PCDHGA12: variants seen among roughly 807,000 people sequenced by gnomAD.
PCDHGA12 encodes the protein protocadherin gamma subfamily A, 12.
A neutral mutation model predicts 61.1 loss-of-function variants in PCDHGA12; 43 were observed. The observed-to-expected ratio is 0.70, with a 90% confidence interval of 0.55 to 0.91. The LOEUF (loss-of-function observed/expected upper bound fraction) is 0.91, where lower values mean the gene tolerates loss of function less well. PCDHGA12 is among the 40% of genes least tolerant of loss of function. The pLI is 0.00. For synonymous variants in PCDHGA12, 520 were observed against 542.9 expected (o/e 0.96, Z 0.59); for missense variants, 1,236 against 1,227.7 (o/e 1.01, Z -0.10).
At position 141,432,673 on chromosome 5, in the gene PCDHGA12, C is replaced by A. The variant is rs770930842; in HGVS notation, c.1914C>A (p.Leu638=). 5 of 1,613,922 alleles carry A rather than the reference C, an allele frequency of 3.1e-6. No homozygotes were observed. Among genetic ancestry groups the A allele is most frequent in the Non-Finnish European group, 4.2e-6 (5 of 1,179,960 alleles). Residue 638 remains leucine, a synonymous_variant, in exon 1 of 4, where the codon CTC becomes CTA. Coordinates refer to ENST00000252085, the MANE Select transcript of PCDHGA12 (RefSeq NM_003735.3). This position sits in a 1 kb window ranked among gnomAD's most constrained non-coding sequence, Gnocchi z 6.0. The part of the protein sequence containing the change: ...TARALLDRDA[L]KQSLVVAVQD... ...GAGCCCTGCTGGACAGAGACGCGCTCAAGCAGAGCCTCGTAGTGGCCGTCC... is the reference window on the plus strand; with the variant it reads ...GAGCCCTGCTGGACAGAGACGCGCTAAAGCAGAGCCTCGTAGTGGCCGTCC...
In PCDHGA12 at chr5:141,476,149, A is replaced by T. The variant is rs1042362185; in HGVS notation, c.2425-18658A>T. The stretch of plus-strand genomic sequence containing the variant: ...CAGAGGCCTGGAGGAGCGGACTGGT[A>T]AGCACCGGGAGGGTAGTGGGAGTTT... On this transcript the variant is annotated intron_variant, in intron 1 of 3. Transcript: ENST00000252085. This position sits in a 1 kb window ranked among gnomAD's most constrained non-coding sequence, Gnocchi z 7.6. 4 of 1,611,688 alleles carry T rather than the reference A, an allele frequency of 2.5e-6. No individual in the cohort carries two copies. In the African/African-American group the frequency reaches 5.3e-5, roughly 22 times the overall value.
intron 1 of PCDHGA12, among the ~76,000 whole-genome samples, chr5:141,448,813 C>T (rs1020956433): frequency 2.0e-5 from 3 of 151,800 alleles, no homozygotes; most frequent in Admixed American, 1.3e-4. Context: ...GGCGTGATGG[C>T]GGGCGCCTGT....
In PCDHGA12 at chr5:141,490,935, G is replaced by A. The variant is rs1371144225; in HGVS notation, c.2425-3872G>A. On this transcript the variant is annotated intron_variant, in intron 1 of 3. Transcript: ENST00000252085. The surrounding 1 kb of genome is among the most constrained non-coding windows in gnomAD (Gnocchi z 5.4). ...AGAATGATAATGCCCCAGCTGTGCTGCACCCACGGCCAGACTGGGAACACT... is the reference window on the plus strand; with the variant it reads ...AGAATGATAATGCCCCAGCTGTGCTACACCCACGGCCAGACTGGGAACACT... 1.9e-6 allele frequency: 3 copies of A among 1,613,638 alleles called. No homozygotes were observed. The highest frequency in any genetic ancestry group is 2.2e-5 in the South Asian group (2 of 91,032).
rs1003050993 is a variant in PCDHGA12, at chr5:141,477,637, T to A, written c.2425-17170T>A. ...AAGGAGCTGAAACCGGGCTAGTGGG[T>A]CGCTATTTCACAATAAATCGTGACA... On this transcript the variant is annotated intron_variant, in intron 1 of 3. Transcript: ENST00000252085. This position sits in a 1 kb window ranked among gnomAD's most constrained non-coding sequence, Gnocchi z 4.9. 6.2e-7 allele frequency: 1 copy of A among 1,614,154 alleles called. No individual in the cohort carries two copies. Among genetic ancestry groups the A allele is most frequent in the African/African-American group, 1.3e-5 (1 of 75,040 alleles).
chr5:141,445,120 AT>A (rs1287463110), intron 1 of PCDHGA12, among the ~76,000 whole-genome samples: 1 of 152,228 alleles, frequency 6.6e-6, no homozygotes, highest in African/African-American at 2.4e-5. Flanking sequence ...TGTAAATAGT[AT>A]TTTTAAAATT....
chr5:141,433,223 T>C lies in PCDHGA12; in HGVS notation c.2424+40T>C, dbSNP rs2097577369. On this transcript the variant is annotated intron_variant, in intron 1 of 3. Coordinates refer to ENST00000252085, the MANE Select transcript of PCDHGA12 (RefSeq NM_003735.3). The stretch of plus-strand genomic sequence containing the variant: ...AATCTTCTTTCTTTTTTTTTTTTAA[T>C]TGCTCTGTCTCCCAAGCTGGAATGC... The C allele has an allele frequency of 4.6e-6, 7 of 1,525,952 alleles. No individual in the cohort carries two copies. In the East Asian group the frequency reaches 1.6e-4, roughly 34 times the overall value. The allele number at this position is 1,525,952 out of a possible 1,614,324, so 94.5% of individuals were successfully genotyped here. A position where few individuals can be genotyped will look rare whatever the true frequency, so the allele number is the denominator to read the frequency against.
chr5:141,490,317 C>A lies in PCDHGA12; in HGVS notation c.2425-4490C>A, dbSNP rs2233604. ...TATTGGCCTCTTTGGCCAACCCTGT[C>A]CTAGAGAGCACACCAGTGGGCACAG... On this transcript the variant is annotated intron_variant, in intron 1 of 3. Coordinates refer to ENST00000252085, the MANE Select transcript of PCDHGA12 (RefSeq NM_003735.3). The surrounding 1 kb of genome is among the most constrained non-coding windows in gnomAD (Gnocchi z 5.4). 32,069 of 1,614,158 alleles carry A rather than the reference C, an allele frequency of 0.02. 521 individuals carry two copies. Among genetic ancestry groups the A allele is most frequent in the African/African-American group, 0.081 (6,098 of 75,022 alleles).
At position 141,489,108 on chromosome 5, in the gene PCDHGA12, A is replaced by C; in HGVS notation, c.2425-5699A>C. The C allele has an allele frequency of 2.0e-6, 1 of 489,086 alleles. No individual in the cohort carries two copies. The highest frequency in any genetic ancestry group is 3.5e-6 in the Non-Finnish European group (1 of 287,626). 30.3% of individuals were successfully genotyped at this position (489,086 alleles called of 1,614,324 possible). On this transcript the variant is annotated intron_variant, in intron 1 of 3. Transcript: ENST00000252085. This position sits in a 1 kb window ranked among gnomAD's most constrained non-coding sequence, Gnocchi z 4.5. The stretch of plus-strand genomic sequence containing the variant: ...TCGGTGACTAAGAACTGCTGCAAGC[A>C]GGCAAACCTCCGAGCAGTTTTTAAG...
intron 1 of PCDHGA12, among the ~76,000 whole-genome samples, chr5:141,458,336 GA>G (rs762646440): frequency 1.3e-5 from 2 of 152,118 alleles, no homozygotes; most frequent in Non-Finnish European, 2.9e-5. Context: ...TGGTTTTAAG[GA>G]GTGGAGAGTT....
chr5:141,459,105 T>C (rs904382532), intron 1 of PCDHGA12, among the ~76,000 whole-genome samples: 7 of 152,208 alleles, frequency 4.6e-5, no homozygotes, highest in Non-Finnish European at 7.4e-5. Flanking sequence ...GCAATGCATT[T>C]TGACAATTGT....
intron 1 of PCDHGA12, among the ~76,000 whole-genome samples, chr5:141,452,072 G>A (rs550370876): frequency 1.3e-5 from 2 of 152,272 alleles, no homozygotes; most frequent in East Asian, 1.9e-4. Flanking sequence ...ACTTTTATTA[G>A]TTGGCATTAT....
chr5:141,490,051 G>A lies in PCDHGA12; in HGVS notation c.2425-4756G>A, dbSNP rs779280988. The A allele has an allele frequency of 6.2e-6, 10 of 1,614,094 alleles. No homozygotes were observed. Among genetic ancestry groups the A allele is most frequent in the Admixed American group, 5.0e-5 (3 of 60,012 alleles). ...CCGCCTCAATGCCACTGATCCAGAC[G>A]AGGGCACCAACGGCCAACTAGACTA... On this transcript the variant is annotated intron_variant, in intron 1 of 3. Coordinates refer to ENST00000252085, the MANE Select transcript of PCDHGA12 (RefSeq NM_003735.3). The surrounding 1 kb of genome is among the most constrained non-coding windows in gnomAD (Gnocchi z 5.4).
chr5:141,486,489 G>T lies in PCDHGA12; in HGVS notation c.2425-8318G>T. 2 of 1,614,060 alleles carry T rather than the reference G, an allele frequency of 1.2e-6. No homozygotes were observed. The highest frequency in any genetic ancestry group is 1.7e-6 in the Non-Finnish European group (2 of 1,179,892). ...GGGAACCCTCCTCTCAGTACCCACA[G>T]AACTATTTTCCTCAATATTTCAGAT... On this transcript the variant is annotated intron_variant, in intron 1 of 3. Coordinates refer to ENST00000252085, the MANE Select transcript of PCDHGA12 (RefSeq NM_003735.3). The surrounding 1 kb of genome is among the most constrained non-coding windows in gnomAD (Gnocchi z 5.0).
chr5:141,482,383 G>A (rs1594230401), intron 1 of PCDHGA12, among the ~76,000 whole-genome samples: 2 of 152,240 alleles, frequency 1.3e-5, no homozygotes, highest in East Asian at 3.9e-4. Context: ...TAAAGTCCCT[G>A]TATGGAGCAA....
intron 1 of PCDHGA12, among the ~76,000 whole-genome samples, chr5:141,460,317 A>G (rs1045494740): frequency 4.6e-5 from 7 of 152,260 alleles, no homozygotes; most frequent in African/African-American, 1.7e-4. Flanking sequence ...CTCCTTGCCT[A>G]CTGAAAACTT....
chr5:141,457,410 C>G (rs746966828), intron 1 of PCDHGA12, among the ~76,000 whole-genome samples: 1 of 152,182 alleles, frequency 6.6e-6, no homozygotes, highest in Non-Finnish European at 1.5e-5. Context: ...TTTCACATTA[C>G]CCATCCCTTT....
Position 141,477,203 on chromosome 5 carries a change from G to A in PCDHGA12, c.2425-17604G>A. The A allele has an allele frequency of 6.2e-7, 1 of 1,614,176 alleles. No individual in the cohort carries two copies. The highest frequency in any genetic ancestry group is 8.5e-7 in the Non-Finnish European group (1 of 1,180,050). ...CACCTCCGTGTACAGCCCAGTACCC[G>A]AGGATGCCCCTCTGGGGACTGTCAT... On this transcript the variant is annotated intron_variant, in intron 1 of 3. Coordinates refer to ENST00000252085, the MANE Select transcript of PCDHGA12 (RefSeq NM_003735.3). This position sits in a 1 kb window ranked among gnomAD's most constrained non-coding sequence, Gnocchi z 4.9.
In PCDHGA12 at chr5:141,470,146, A is replaced by G. The variant is rs181633492; in HGVS notation, c.2425-24661A>G. On this transcript the variant is annotated intron_variant, in intron 1 of 3. Coordinates refer to ENST00000252085, the MANE Select transcript of PCDHGA12 (RefSeq NM_003735.3). ...TTCGTCTCAAAAAAAAAGATCATAG[A>G]TCATCTTATCAAATCAAAGTATGCA... Among the ~76,000 whole-genome samples, 102 of 152,308 alleles carry G rather than the reference A, an allele frequency of 6.7e-4. 2 individuals carry two copies. Among genetic ancestry groups the G allele is most frequent in the African/African-American group, 2.4e-3 (99 of 41,558 alleles).
intron 1 of PCDHGA12, among the ~76,000 whole-genome samples, chr5:141,459,724 T>C (rs1440632046): frequency 6.6e-6 from 1 of 152,250 alleles, no homozygotes; most frequent in Non-Finnish European, 1.5e-5. Context: ...TGCTTCCTAT[T>C]GTCAATTTTT....
Sources: allele counts gnomAD v4.1 joint callset (sites outside exome capture counted in the v4.1 genomes callset), GRCh38; gene constraint gnomAD v4.1.1; non-coding constraint Gnocchi (gnomAD v3.1); transcripts MANE v1.5; gene names NCBI Gene and HGNC (gene_info 2026-07-23, HGNC 2026-07-21).